Variants in NPR1 observed in about 807,000 individuals in gnomAD.
NPR1 encodes the protein natriuretic peptide receptor 1, also known as atrial natriuretic peptide receptor 1.
A neutral mutation model predicts 116.9 loss-of-function variants in NPR1; 57 were observed. The observed-to-expected ratio is 0.49, with a 90% CI of 0.39 to 0.61. NPR1 has a LOEUF of 0.61. Ranked by LOEUF, NPR1 falls within the 20% of genes least tolerant of loss-of-function variation. NPR1 has a pLI of 0.00. For missense variants in NPR1, 1,096 were observed against 1,409.8 expected, an observed-to-expected ratio of 0.78 and a Z score of 3.56; for synonymous variants, 555 against 601.6, an observed-to-expected ratio of 0.92 and a Z score of 1.13.
At chr1:153,681,901 T>G (rs1669792475) in intron 4 of NPR1, 62 bp downstream of exon 4, 1 of 1,587,174 alleles carries the variant, frequency 6.3e-7, no homozygotes, top group Non-Finnish European at 8.6e-7. Flanking sequence ...GTGCCCAGTG[T>G]CAAGCCATGA....
intron 4 of NPR1, among the ~76,000 whole-genome samples, chr1:153,682,117 C>CA (rs1470193675): frequency 6.6e-6 from 1 of 151,712 alleles, no homozygotes; most frequent in Non-Finnish European, 1.5e-5. Flanking sequence ...TGTGGTGGTG[C>CA]AATCTCGGCT....
chr1:153,678,946 C>G lies in NPR1; in HGVS notation c.-163C>G, dbSNP rs1357466037. 4 of 961,516 alleles carry G rather than the reference C, an allele frequency of 4.2e-6. No homozygotes were observed. Among genetic ancestry groups the G allele is most frequent in the Non-Finnish European group, 5.7e-6 (4 of 706,686 alleles). 59.6% of individuals were successfully genotyped at this position (961,516 alleles called of 1,614,324 possible). A position where few individuals can be genotyped will look rare whatever the true frequency, so the allele number is the denominator to read the frequency against. On this transcript the variant is annotated 5_prime_UTR_variant, in exon 1 of 22. Coordinates refer to ENST00000368680, the MANE Select transcript of NPR1 (RefSeq NM_000906.4). This position sits in a 1 kb window ranked among gnomAD's most constrained non-coding sequence, Gnocchi z 5.8. ...CGCCCCTTGCGCTCTCGGCCCAGAC[C>G]GTCGCAGCTACAGGGGGCCTCGAGC...
intron 20 of NPR1, among the ~76,000 whole-genome samples, chr1:153,692,381 A>T (rs950595302): frequency 1.3e-5 from 2 of 151,720 alleles, no homozygotes; most frequent in African/African-American, 4.8e-5. Flanking sequence ...CACTCCAGAG[A>T]GTGCTGTCCA....
intron 8 of NPR1, 134 bp from the exon 9 acceptor site, chr1:153,685,672 A>AC: frequency 1.4e-6 from 1 of 705,834 alleles, no homozygotes. Context: ...TCAAAAAAAA[A>AC]CCCAACAACA....
rs1670032389 is a variant in NPR1 at position 153,689,535 on chromosome 1, T to G, written c.2757+14T>G. The G allele has an allele frequency of 6.2e-7, 1 of 1,610,248 alleles. No individual in the cohort carries two copies. Among genetic ancestry groups the G allele is most frequent in the Non-Finnish European group, 8.5e-7 (1 of 1,177,616 alleles). Reference sequence around the variant, plus strand: ...GATGTGTACAAGGTGAGGGTGGGAGTGGGGATGGGAAGGGACAGACAGACA... The same window carrying G: ...GATGTGTACAAGGTGAGGGTGGGAGGGGGGATGGGAAGGGACAGACAGACA... On this transcript the variant is annotated intron_variant, in intron 18 of 21. Transcript: ENST00000368680. The surrounding 1 kb of genome is among the most constrained non-coding windows in gnomAD (Gnocchi z 5.1).
intron 4 of NPR1, 52 bp from the exon 5 acceptor site, chr1:153,682,445 CA>C: frequency 1.5e-6 from 2 of 1,298,620 alleles, no homozygotes; most frequent in Admixed American, 3.4e-5. Flanking sequence ...TGAAGTGGGG[CA>C]CCCCTGAACT....
intron 14 of NPR1, 83 bp downstream of exon 14, chr1:153,687,872 C>T: frequency 7.1e-7 from 1 of 1,399,698 alleles, no homozygotes; most frequent in Non-Finnish European, 9.8e-7. Context: ...GGCAGCACCA[C>T]CACACCTTCC....
chr1:153,680,944 G>T, intron 2 of NPR1: 1 of 597,866 alleles, frequency 1.7e-6, no homozygotes, highest in East Asian at 2.8e-5. Flanking sequence ...ATAAGAAAAT[G>T]GGCTTGAGGC....
rs1205605142 is a variant in NPR1, at chr1:153,688,301, C to T, written c.2417+80C>T. On this transcript the variant is annotated intron_variant, in intron 15 of 21. Coordinates refer to ENST00000368680, the MANE Select transcript of NPR1 (RefSeq NM_000906.4). ...CCTAATGCTTCTGGCTCTGGCTTAT[C>T]CCAGCAGTGGCAGAGGGAGACCACT... 2.3e-5 allele frequency: 34 copies of T among 1,482,402 alleles called. No individual in the cohort carries two copies. The Middle Eastern group carries it at 5.3e-4, about 23-fold the overall frequency. 91.8% of individuals were successfully genotyped at this position (1,482,402 alleles called of 1,614,324 possible).
intron 20 of NPR1, among the ~76,000 whole-genome samples, chr1:153,691,662 C>T (rs1376786828): frequency 2.6e-5 from 4 of 151,886 alleles, no homozygotes; most frequent in South Asian, 4.2e-4. Context: ...TTTGGGAGGC[C>T]GAGGTGGGCA....
At position 153,686,215 on chromosome 1, in the gene NPR1, G is replaced by A; in HGVS notation, c.1758+15G>A. 6.2e-7 allele frequency: 1 copy of A among 1,613,064 alleles called. No homozygotes were observed. Among genetic ancestry groups the A allele is most frequent in the South Asian group, 1.1e-5 (1 of 91,004 alleles). On this transcript the variant is annotated intron_variant, in intron 10 of 21. Coordinates refer to ENST00000368680, the MANE Select transcript of NPR1 (RefSeq NM_000906.4). ...AACTGAAGCATGTAATGTGGGGAGTGAGGCAGTGGCATGGAGAAGGGGCCC... is the reference window on the plus strand; with the variant it reads ...AACTGAAGCATGTAATGTGGGGAGTAAGGCAGTGGCATGGAGAAGGGGCCC...
At chr1:153,681,042 G>T in intron 2 of NPR1, 138 bp from the exon 3 acceptor site, 1 of 639,084 alleles carries the variant, frequency 1.6e-6, no homozygotes, top group Non-Finnish European at 2.8e-6. Flanking sequence ...ATCACTTCAT[G>T]CAGGGCATAG....
At chr1:153,687,393 G>A in intron 13 of NPR1, 37 bp downstream of exon 13, 1 of 1,607,720 alleles carries the variant, frequency 6.2e-7, no homozygotes, top group Non-Finnish European at 8.5e-7. Flanking sequence ...CCTGCCCCCA[G>A]CACCACCCAG....
At chr1:153,693,277 C>A (rs1481641866) in intron 21 of NPR1, 75 bp from the exon 22 acceptor site, 2 of 1,599,994 alleles carry the variant, frequency 1.3e-6, no homozygotes, top group Non-Finnish European at 8.6e-7. Flanking sequence ...AATGCCACTC[C>A]CATCCCTAAG....
intron 2 of NPR1, 59 bp from the exon 3 acceptor site, chr1:153,681,121 C>G: frequency 9.0e-7 from 1 of 1,107,282 alleles, no homozygotes; most frequent in Non-Finnish European, 1.4e-6. Flanking sequence ...GTTGGGGCCC[C>G]ACAGTACTAG....
chr1:153,690,434 A>G (rs2101740330), intron 20 of NPR1, 52 bp downstream of exon 20: 3 of 1,382,938 alleles, frequency 2.2e-6, no homozygotes, highest in African/African-American at 1.4e-5. Flanking sequence ...GCTGAGGGAA[A>G]TGCCATCCTG....
chr1:153,679,433 A>T lies in NPR1; in HGVS notation c.325A>T (p.Asn109Tyr). Residue 109 changes from asparagine (N) to tyrosine (Y), a missense_variant, in exon 1 of 22, where the codon AAC (asparagine) becomes TAC (tyrosine). Asn to Tyr is a moderately radical substitution (Grantham distance 143). Transcript: ENST00000368680. This position sits in a 1 kb window ranked among gnomAD's most constrained non-coding sequence, Gnocchi z 4.2. ...CGCGGTGGACCTCAAGTGGGAGCAC[A>T]ACCCCGCTGTGTTCCTGGGCCCCGG... ...LAAVDLKWEHNPAVFLGPGCV... is the reference protein window; with the variant it reads ...LAAVDLKWEHYPAVFLGPGCV... 1.9e-6 allele frequency: 3 copies of T among 1,543,286 alleles called. No individual in the cohort carries two copies. Among genetic ancestry groups the T allele is most frequent in the Non-Finnish European group, 2.6e-6 (3 of 1,148,956 alleles).
Position 153,689,800 on chromosome 1 carries a change from C to A in NPR1, c.2758-6C>A. ...CAAGTCCTGCACCCCCTCGCCACTC[C>A]CACAGGTGGAGACAATTGGCGATGC... On this transcript the variant is annotated splice_region_variant and splice_polypyrimidine_tract_variant and intron_variant, in intron 18 of 21. Transcript: ENST00000368680. This position sits in a 1 kb window ranked among gnomAD's most constrained non-coding sequence, Gnocchi z 5.1. 1 of 1,543,188 alleles carries A rather than the reference C, an allele frequency of 6.5e-7. No individual in the cohort carries two copies. Among genetic ancestry groups the A allele is most frequent in the East Asian group, 2.3e-5 (1 of 43,024 alleles).
intron 6 of NPR1, 52 bp from the exon 7 acceptor site, chr1:153,683,688 C>T: frequency 1.3e-6 from 2 of 1,587,186 alleles, no homozygotes; most frequent in South Asian, 1.1e-5. Flanking sequence ...AGTTCTTCCT[C>T]CTGCTGTCTA....
Sources: gnomAD v4.1 joint callset for allele counts (sites outside exome capture counted in the v4.1 genomes callset) on GRCh38, gnomAD v4.1.1 for gene constraint, Gnocchi (gnomAD v3.1) non-coding constraint, MANE v1.5 for transcripts, NCBI Gene and HGNC (gene_info 2026-07-23, HGNC 2026-07-21) for gene names.